MPHOSPH8: variants seen among roughly 807,000 people sequenced by gnomAD.
The protein encoded by MPHOSPH8 is M-phase phosphoprotein 8.
MPHOSPH8 carries 45 observed loss-of-function variants against 87.3 expected under a neutral mutation model. The observed-to-expected ratio is 0.52, with a 90% CI of 0.41 to 0.66. The LOEUF (loss-of-function observed/expected upper bound fraction) is 0.66, where lower values mean the gene tolerates loss of function less well. Ranked by LOEUF, MPHOSPH8 falls within the 30% of genes least tolerant of loss-of-function variation. The pLI is 0.00. For missense variants in MPHOSPH8, 883 were observed against 1,020.2 expected, an observed-to-expected ratio of 0.87 and a Z score of 1.83; for synonymous variants, 366 against 376.9, an observed-to-expected ratio of 0.97 and a Z score of 0.33.
intron 9 of MPHOSPH8, among the ~76,000 whole-genome samples, chr13:19,666,049 C>T (rs1328803094): frequency 6.6e-6 from 1 of 152,194 alleles, no homozygotes; most frequent in East Asian, 1.9e-4. Flanking sequence ...GGGGCTGGCT[C>T]ACGGGGGACA....
intron 12 of MPHOSPH8, chr13:19,670,741 C>CT: frequency 8.4e-7 from 1 of 1,188,372 alleles, no homozygotes; most frequent in South Asian, 1.6e-5. Flanking sequence ...CTGTATATTG[C>CT]TGGGGGCATT....
intron 2 of MPHOSPH8, among the ~76,000 whole-genome samples, chr13:19,645,744 CAAA>C (rs71092387): frequency 9.3e-5 from 7 of 75,542 alleles, no homozygotes; most frequent in Admixed American, 2.5e-4. Flanking sequence ...GACTCTGTCT[CAAA>C]AAAAAAAAAA....
chr13:19,644,846 G>C (rs1481496876), intron 2 of MPHOSPH8, among the ~76,000 whole-genome samples: 1 of 152,112 alleles, frequency 6.6e-6, no homozygotes, highest in Non-Finnish European at 1.5e-5. Context: ...TATTTGTCTT[G>C]TAAGTGACTT....
At chr13:19,636,146 C>G (rs1213640438) in intron 1 of MPHOSPH8, among the ~76,000 whole-genome samples, 4 of 152,196 alleles carry the variant, frequency 2.6e-5, no homozygotes, top group Non-Finnish European at 5.9e-5. Context: ...CGGACTAATA[C>G]AAAAGGTGTT....
chr13:19,658,571 A>G (rs1331157698), intron 5 of MPHOSPH8, among the ~76,000 whole-genome samples: 1 of 152,206 alleles, frequency 6.6e-6, no homozygotes, highest in Non-Finnish European at 1.5e-5. Flanking sequence ...TTTGACTCAC[A>G]TGCTGGGATA....
rs1333989716 is a variant in MPHOSPH8 at position 19,633,671 on chromosome 13, G to A, written c.-78G>A. The A allele has an allele frequency of 3.4e-6, 5 of 1,483,742 alleles. No homozygotes were observed. The highest frequency in any genetic ancestry group is 3.9e-5 in the Admixed American group (2 of 50,884). 91.9% of individuals were successfully genotyped at this position (1,483,742 alleles called of 1,614,324 possible). A position where few individuals can be genotyped will look rare whatever the true frequency, so the allele number is the denominator to read the frequency against. On this transcript the variant is annotated 5_prime_UTR_variant, in exon 1 of 14. Coordinates refer to ENST00000361479, the MANE Select transcript of MPHOSPH8 (RefSeq NM_017520.4). ...CCGTTACGCCGCTGATGTGGAGTAG[G>A]GCCGAGCGCGGAACGCGAGGGGCTG...
rs141314814 is a variant in MPHOSPH8 at position 19,657,798 on chromosome 13, A to G, written c.1577-1197A>G. Among the ~76,000 whole-genome samples, 199 of 152,104 alleles carry G rather than the reference A, an allele frequency of 1.3e-3. 1 individual carries two copies. The highest frequency in any genetic ancestry group is 2.4e-3 in the Non-Finnish European group (164 of 67,984). ...AGACCTCATCTGTTCTGCTTCCACA[A>G]TCTTTCCACATTGCTTCCTCAGTGG... On this transcript the variant is annotated intron_variant, in intron 5 of 13. Transcript: ENST00000361479.
At chr13:19,635,973 C>T (rs1417936436) in intron 1 of MPHOSPH8, among the ~76,000 whole-genome samples, 2 of 152,200 alleles carry the variant, frequency 1.3e-5, no homozygotes, top group Non-Finnish European at 2.9e-5. Flanking sequence ...CTTGCACTCA[C>T]TCGATCCTGC....
At chr13:19,669,769 C>T (rs908934762) in intron 11 of MPHOSPH8, among the ~76,000 whole-genome samples, 1 of 152,054 alleles carries the variant, frequency 6.6e-6, no homozygotes, top group African/African-American at 2.4e-5. Flanking sequence ...CTCTGCCTCC[C>T]AAAGTGCTGG....
At chr13:19,642,038 C>T (rs560589351) in intron 1 of MPHOSPH8, 77 bp from the exon 2 acceptor site, 1 of 573,156 alleles carries the variant, frequency 1.7e-6, no homozygotes, top group Non-Finnish European at 2.6e-6. Context: ...GTCTTCTCAT[C>T]AGTTTTTTTT....
At chr13:19,642,820 T>C (rs926238232) in intron 2 of MPHOSPH8, among the ~76,000 whole-genome samples, 1 of 152,226 alleles carries the variant, frequency 6.6e-6, no homozygotes, top group African/African-American at 2.4e-5. Flanking sequence ...TTAAAATACC[T>C]AGTCTTTTCT....
intron 10 of MPHOSPH8, among the ~76,000 whole-genome samples, chr13:19,666,927 C>T (rs1403841459): frequency 2.0e-5 from 3 of 152,148 alleles, no homozygotes; most frequent in East Asian, 1.9e-4. Context: ...TTTGGGAGGC[C>T]GAGGCGGGTG....
intron 10 of MPHOSPH8, among the ~76,000 whole-genome samples, chr13:19,667,783 T>G (rs1005008084): frequency 6.6e-6 from 1 of 152,250 alleles, no homozygotes; most frequent in Non-Finnish European, 1.5e-5. Context: ...ATATTTTATT[T>G]TATTGCAGGT....
Position 19,656,277 on chromosome 13 carries a change from C to CAAAA in MPHOSPH8, c.1577-2698_1577-2695dup, listed in dbSNP as rs71198922. Among the ~76,000 whole-genome samples, 499 of 72,190 alleles carry CAAAA rather than the reference C, an allele frequency of 6.9e-3. 51 individuals are homozygous for CAAAA. The highest frequency in any genetic ancestry group is 0.014 in the Middle Eastern group (1 of 70). 47.4% of individuals were successfully genotyped at this position (72,190 alleles called of 152,430 possible). Reference sequence around the variant, plus strand: ...CTGGACGACAGAGCAAGACTGTTGTCAAAAAAAAAAAAAAAAAAAAAAACT... The same window carrying CAAAA: ...CTGGACGACAGAGCAAGACTGTTGTCAAAAAAAAAAAAAAAAAAAAAAAAAAACT... On this transcript the variant is annotated intron_variant, in intron 5 of 13. Transcript: ENST00000361479.
At position 19,672,022 on chromosome 13, in the gene MPHOSPH8, G is replaced by T. The variant is rs1468439617; in HGVS notation, c.*147G>T. 4.0e-6 allele frequency: 3 copies of T among 750,790 alleles called. No homozygotes were observed. In the African/African-American group the frequency reaches 5.2e-5, roughly 13 times the overall value. 46.5% of individuals were successfully genotyped at this position (750,790 alleles called of 1,614,324 possible). On this transcript the variant is annotated 3_prime_UTR_variant, in exon 14 of 14. Transcript: ENST00000361479. ...GCCTGTTGTCTGTTGTAGTCTGTAA[G>T]ATGCGACATAGCTGTGTCTGTGCCA... is the stretch of plus-strand genomic sequence containing the variant.
chr13:19,663,486 C>T (rs1875658493), intron 9 of MPHOSPH8, among the ~76,000 whole-genome samples: 1 of 152,216 alleles, frequency 6.6e-6, no homozygotes, highest in East Asian at 1.9e-4. Context: ...GCTGGAGCAG[C>T]AGGGAGGCTG....
Position 19,672,170 on chromosome 13 carries a change from G to A in MPHOSPH8, c.*295G>A. ...TCACTTTCTTTTTTCTGGAGACGGA[G>A]TTTCGCTCTTGTTGCCCAGGCTGGA... On this transcript the variant is annotated 3_prime_UTR_variant, in exon 14 of 14. Coordinates refer to ENST00000361479, the MANE Select transcript of MPHOSPH8 (RefSeq NM_017520.4). 3.3e-6 allele frequency: 1 copy of A among 305,190 alleles called. No homozygotes were observed. The highest frequency in any genetic ancestry group is 6.2e-6 in the Non-Finnish European group (1 of 161,906). The allele number at this position is 305,190 out of a possible 1,614,324, so 18.9% of individuals were successfully genotyped here. A position where few individuals can be genotyped will look rare whatever the true frequency, so the allele number is the denominator to read the frequency against.
intron 1 of MPHOSPH8, among the ~76,000 whole-genome samples, chr13:19,640,359 T>C (rs192670941): frequency 8.4e-4 from 128 of 152,300 alleles, no homozygotes; most frequent in Non-Finnish European, 2.1e-4. Context: ...GATTTCCCTT[T>C]AACCATTTAA....
intron 9 of MPHOSPH8, 37 bp downstream of exon 9, chr13:19,663,163 C>G: frequency 6.5e-7 from 1 of 1,548,500 alleles, no homozygotes; most frequent in Non-Finnish European, 8.9e-7. Flanking sequence ...TTCTTCACTA[C>G]GTTGGCAGGT....
Sources: gnomAD v4.1 joint callset for allele counts (sites outside exome capture counted in the v4.1 genomes callset) on GRCh38, gnomAD v4.1.1 for gene constraint, MANE v1.5 for transcripts, NCBI Gene and HGNC (gene_info 2026-07-23, HGNC 2026-07-21) for gene names.